SH3PXD2A: variants seen among roughly 807,000 people sequenced by gnomAD.
SH3PXD2A encodes the protein SH3 and PX domain-containing protein 2A.
A neutral mutation model predicts 115.2 loss-of-function variants in SH3PXD2A; 32 were observed. That is an observed-to-expected ratio of 0.28 (90% CI 0.21 to 0.37). The LOEUF (loss-of-function observed/expected upper bound fraction) is 0.37. Ranked by LOEUF, SH3PXD2A falls within the 10% of genes least tolerant of loss-of-function variation. The probability of loss-of-function intolerance (pLI) is 1.00; values close to 1 mark genes in which losing one functional copy is unlikely to be tolerated. For missense variants in SH3PXD2A, 1,328 were observed against 1,498.7 expected, an observed-to-expected ratio of 0.89 and a Z score of 1.88; for synonymous variants, 610 against 629.1, an observed-to-expected ratio of 0.97 and a Z score of 0.45.
chr10:103,710,928 C>T (rs746073441), intron 5 of SH3PXD2A, among the ~76,000 whole-genome samples: 3 of 151,750 alleles, frequency 2.0e-5, no homozygotes, highest in Non-Finnish European at 4.4e-5. Flanking sequence ...CCTAGTTACT[C>T]GGGAGGCTGA....
intron 8 of SH3PXD2A, among the ~76,000 whole-genome samples, chr10:103,635,369 C>G (rs2036848414): frequency 6.6e-6 from 1 of 152,184 alleles, no homozygotes; most frequent in Non-Finnish European, 1.5e-5. Context: ...CCTGGGCTGG[C>G]TAGGAGACCC....
chr10:103,629,885 G>A (rs2036753331), intron 8 of SH3PXD2A, among the ~76,000 whole-genome samples: 1 of 152,254 alleles, frequency 6.6e-6, no homozygotes, highest in Non-Finnish European at 1.5e-5. Flanking sequence ...GGGGAGAGGA[G>A]GGGAGGAGCA....
intron 8 of SH3PXD2A, among the ~76,000 whole-genome samples, chr10:103,628,598 T>C (rs958679176): frequency 5.9e-5 from 9 of 152,146 alleles, no homozygotes; most frequent in African/African-American, 2.2e-4. Context: ...TGTCCCTCTC[T>C]GCCTGGGGTG....
intron 8 of SH3PXD2A, among the ~76,000 whole-genome samples, chr10:103,641,838 A>C (rs2036960262): frequency 6.6e-6 from 1 of 152,086 alleles, no homozygotes; most frequent in Non-Finnish European, 1.5e-5. Context: ...GCGTTCTGGC[A>C]CGAGATCTCA....
intron 1 of SH3PXD2A, among the ~76,000 whole-genome samples, chr10:103,824,382 C>T (rs1241866831): frequency 1.3e-5 from 2 of 152,174 alleles, no homozygotes; most frequent in South Asian, 2.1e-4. Flanking sequence ...GAAGCAGTCC[C>T]GAACTCAGCC....
At chr10:103,742,109 A>G (rs1292122141) in intron 3 of SH3PXD2A, among the ~76,000 whole-genome samples, 1 of 152,180 alleles carries the variant, frequency 6.6e-6, no homozygotes. Context: ...TGATCGTGCC[A>G]CTGTACTCCA....
At chr10:103,638,048 G>T (rs910518863) in intron 8 of SH3PXD2A, among the ~76,000 whole-genome samples, 1 of 152,140 alleles carries the variant, frequency 6.6e-6, no homozygotes, top group South Asian at 2.1e-4. Context: ...GCCAAGACAC[G>T]CGCCTCCATG....
At chr10:103,630,334 C>T (rs1319063219) in intron 8 of SH3PXD2A, among the ~76,000 whole-genome samples, 1 of 152,232 alleles carries the variant, frequency 6.6e-6, no homozygotes, top group Non-Finnish European at 1.5e-5. Flanking sequence ...CCCACAGATG[C>T]TGGCTGGAGG....
intron 8 of SH3PXD2A, among the ~76,000 whole-genome samples, chr10:103,639,614 A>C (rs1564851246): frequency 1.0e-5 from 1 of 96,390 alleles, no homozygotes; most frequent in African/African-American, 4.0e-5. Flanking sequence ...GTCTTAAAAA[A>C]AAAAAAAAAA....
intron 7 of SH3PXD2A, among the ~76,000 whole-genome samples, chr10:103,667,649 T>C (rs904508956): frequency 1.3e-5 from 2 of 152,156 alleles, no homozygotes; most frequent in African/African-American, 2.4e-5. Context: ...GGGCTGGGCT[T>C]TGGGCTCTAA....
At position 103,596,663 on chromosome 10, in the gene SH3PXD2A, A is replaced by ACACACACTCTCTCTCTCT; in HGVS notation, c.*5152_*5153insAGAGAGAGAGAGTGTGTG. 1.5e-4 allele frequency: 19 copies of ACACACACTCTCTCTCTCT among 124,438 alleles called. No individual in the cohort carries two copies. Among genetic ancestry groups the ACACACACTCTCTCTCTCT allele is most frequent in the African/African-American group, 6.0e-4 (19 of 31,674 alleles). 7.7% of individuals were successfully genotyped at this position (124,438 alleles called of 1,614,324 possible). A position where few individuals can be genotyped will look rare whatever the true frequency, so the allele number is the denominator to read the frequency against. On this transcript the variant is annotated 3_prime_UTR_variant, in exon 15 of 15. Transcript: ENST00000369774. ...CACACACACACACACACACACACAC[A>ACACACACTCTCTCTCTCT]CTCTCTCTCTCTCTCTCTCTCTCAC...
chr10:103,794,791 C>T (rs1487910803), intron 2 of SH3PXD2A, among the ~76,000 whole-genome samples: 1 of 152,244 alleles, frequency 6.6e-6, no homozygotes, highest in African/African-American at 2.4e-5. Context: ...AAGAGCCTCA[C>T]CTCTTCCCTG....
chr10:103,722,191 C>T (rs2038190461), intron 5 of SH3PXD2A, among the ~76,000 whole-genome samples: 2 of 151,516 alleles, frequency 1.3e-5, no homozygotes, highest in African/African-American at 4.9e-5. Flanking sequence ...GTAATCCCAG[C>T]TACCAGGGAG....
rs143546142 is a variant in SH3PXD2A, at chr10:103,602,317, C to T, written c.2901G>A (p.Lys967=). 1.2e-6 allele frequency: 2 copies of T among 1,613,776 alleles called. No individual in the cohort carries two copies. Among genetic ancestry groups the T allele is most frequent in the Non-Finnish European group, 8.5e-7 (1 of 1,179,954 alleles). ...CCACCTGCCGCACTCCGTTCCTCAT[C>T]TTCACCGCTGGAGTGCCTGAGGTCT... The part of the protein sequence containing the change: ...FGKTSGTPAV[K]MRNGVRQVAV... Residue 967 remains lysine, a synonymous_variant, in exon 15 of 15, where the codon AAG becomes AAA. Coordinates refer to ENST00000369774, the MANE Select transcript of SH3PXD2A (RefSeq NM_001394015.1).
chr10:103,815,806 T>C (rs2134283103), intron 1 of SH3PXD2A, among the ~76,000 whole-genome samples: 1 of 151,828 alleles, frequency 6.6e-6, no homozygotes, highest in South Asian at 2.1e-4. Context: ...GGACAATCGC[T>C]TGAACCTGGG....
chr10:103,738,307 T>C (rs7085077), intron 3 of SH3PXD2A, among the ~76,000 whole-genome samples: 41,177 of 152,136 alleles, frequency 0.27, 6,043 homozygotes, highest in African/African-American at 0.37. Context: ...CCTCCTACCC[T>C]TTTTTGGTTG....
At chr10:103,792,494 T>A (rs1461078910) in intron 2 of SH3PXD2A, among the ~76,000 whole-genome samples, 1 of 152,232 alleles carries the variant, frequency 6.6e-6, no homozygotes, top group Admixed American at 6.5e-5. Flanking sequence ...CTGGCGTCTC[T>A]GTGCCAGTCC....
intron 8 of SH3PXD2A, among the ~76,000 whole-genome samples, chr10:103,629,961 G>T (rs1241958260): frequency 1.3e-5 from 2 of 152,222 alleles, no homozygotes; most frequent in African/African-American, 4.8e-5. Flanking sequence ...ACCTGCCTTC[G>T]TTCCCTCTGC....
intron 3 of SH3PXD2A, among the ~76,000 whole-genome samples, chr10:103,764,889 G>A (rs2038737481): frequency 6.6e-6 from 1 of 152,162 alleles, no homozygotes; most frequent in South Asian, 2.1e-4. Context: ...GTAAAATGGG[G>A]ATGATCACCT....
Sources: allele counts gnomAD v4.1 joint callset (sites outside exome capture counted in the v4.1 genomes callset), GRCh38; gene constraint gnomAD v4.1.1; transcripts MANE v1.5; gene names NCBI Gene and HGNC (gene_info 2026-07-23, HGNC 2026-07-21).